SEPTIN10: variants seen among roughly 807,000 people sequenced by gnomAD.
SEPTIN10 encodes the protein septin-10.
SEPTIN10 carries 66 observed loss-of-function variants against 54.8 expected under a neutral mutation model. The ratio of observed to expected loss-of-function variants is 1.21; its 90% CI spans 0.99 to 1.48. The LOEUF is 1.48. SEPTIN10 is among the 40% of genes most tolerant of loss of function. SEPTIN10 has a pLI of 0.00. For missense variants in SEPTIN10, 620 were observed against 545.6 expected, an observed-to-expected ratio of 1.14 and a Z score of -1.36; for synonymous variants, 161 against 181.0, an observed-to-expected ratio of 0.89 and a Z score of 0.89.
chr2:109,605,986 A>T (rs1022380318), intron 1 of SEPTIN10, among the ~76,000 whole-genome samples: 1 of 152,220 alleles, frequency 6.6e-6, no homozygotes, highest in Non-Finnish European at 1.5e-5. Context: ...CAAAGCCTGG[A>T]ATGAGGTCTG....
At chr2:109,596,360 G>T (rs1399529550) in intron 1 of SEPTIN10, among the ~76,000 whole-genome samples, 1 of 152,148 alleles carries the variant, frequency 6.6e-6, no homozygotes, top group Non-Finnish European at 1.5e-5. Context: ...GCTCACGCCT[G>T]TAATTCCAGC....
chr2:109,591,715 G>A (rs1233647207), intron 2 of SEPTIN10, among the ~76,000 whole-genome samples: 1 of 151,892 alleles, frequency 6.6e-6, no homozygotes, highest in African/African-American at 2.4e-5. Flanking sequence ...TGGCCAACAC[G>A]AGCAAAACCC....
chr2:109,593,274 T>C (rs758158639), intron 1 of SEPTIN10, among the ~76,000 whole-genome samples, 155 bp from the exon 2 acceptor site: 1 of 152,210 alleles, frequency 6.6e-6, no homozygotes, highest in African/African-American at 2.4e-5. Flanking sequence ...GTGTTTGAAA[T>C]TGTGGCTTTC....
intron 9 of SEPTIN10, chr2:109,552,473 T>G (rs116753844): frequency 6.6e-6 from 1 of 151,840 alleles, no homozygotes. Flanking sequence ...GGTAAACCAT[T>G]TCTAATGGAA....
intron 5 of SEPTIN10, among the ~76,000 whole-genome samples, chr2:109,571,506 G>A (rs1297399802): frequency 6.6e-6 from 1 of 152,184 alleles, no homozygotes; most frequent in African/African-American, 2.4e-5. Flanking sequence ...GTGTGTGTAT[G>A]TAGGCAACTA....
intron 1 of SEPTIN10, among the ~76,000 whole-genome samples, chr2:109,595,379 C>T (rs1444571893): frequency 3.3e-5 from 5 of 152,190 alleles, no homozygotes; most frequent in Admixed American, 1.3e-4. Context: ...TAATACCTGG[C>T]TTCAGGCTTT....
At chr2:109,561,317 A>G (rs1685604737) in intron 8 of SEPTIN10, among the ~76,000 whole-genome samples, 1 of 151,838 alleles carries the variant, frequency 6.6e-6, no homozygotes, top group South Asian at 2.1e-4. Flanking sequence ...GTCTTCCCGA[A>G]TTTTCCAGCT....
Position 109,604,595 on chromosome 2 carries a change from C to T in SEPTIN10, c.30+9203G>A, listed in dbSNP as rs550395483. Among the ~76,000 whole-genome samples, 11 of 151,294 alleles carry T rather than the reference C, an allele frequency of 7.3e-5. No individual in the cohort carries two copies. In the East Asian group the frequency reaches 1.2e-3, roughly 16 times the overall value. On this transcript the variant is annotated intron_variant, in intron 1 of 10. Coordinates refer to ENST00000397712, the MANE Select transcript of SEPTIN10 (RefSeq NM_144710.5). ...ACAAAAAATTAGCCAGGCATGGTGG[C>T]GGGTGCCTGTAGTCCCAGGTACTCA...
intron 8 of SEPTIN10, among the ~76,000 whole-genome samples, chr2:109,555,059 G>A (rs1015529229): frequency 6.6e-6 from 1 of 152,046 alleles, no homozygotes; most frequent in African/African-American, 2.4e-5. Context: ...CTTCACTACT[G>A]CAACAATCTC....
chr2:109,608,771 TA>T (rs888944726), intron 1 of SEPTIN10, among the ~76,000 whole-genome samples: 323 of 151,722 alleles, frequency 2.1e-3, no homozygotes, highest in African/African-American at 6.8e-3. Context: ...ATACAAATCC[TA>T]AAAAAAAATT....
Position 109,543,557 on chromosome 2 carries a change from T to C in SEPTIN10, c.*752A>G, listed in dbSNP as rs1680452348. On this transcript the variant is annotated 3_prime_UTR_variant, in exon 11 of 11. Transcript: ENST00000397712. ...AGAGGTTAGAGTTTTAGCTCCATAA[T>C]ACATCCCAAAACATATTCCCCAAAA... The C allele has an allele frequency of 6.6e-6, 1 of 152,172 alleles. No homozygotes were observed. The highest frequency in any genetic ancestry group is 1.5e-5 in the Non-Finnish European group (1 of 68,018). The allele number at this position is 152,172 out of a possible 1,614,324, so 9.4% of individuals were successfully genotyped here. A position where few individuals can be genotyped will look rare whatever the true frequency, so the allele number is the denominator to read the frequency against.
At chr2:109,609,436 T>C (rs1698742858) in intron 1 of SEPTIN10, among the ~76,000 whole-genome samples, 1 of 151,738 alleles carries the variant, frequency 6.6e-6, no homozygotes, top group African/African-American at 2.4e-5. Context: ...TACAAAAACA[T>C]AAATTAGGAG....
Position 109,585,220 on chromosome 2 carries a change from C to CT in SEPTIN10, c.318dup (p.Ala107SerfsTer5). On this transcript the variant is annotated frameshift_variant, in exon 4 of 11. Transcript: ENST00000397712. LOFTEE classifies it high-confidence loss of function. ...CTTTCCTGGAGTTCATATGTCTGAG[C>CT]TTTAAGTTTAACATTTGGGCAAAAA... 3.7e-6 allele frequency: 6 copies of CT among 1,612,840 alleles called. No homozygotes were observed. The highest frequency in any genetic ancestry group is 5.1e-6 in the Non-Finnish European group (6 of 1,179,312).
chr2:109,606,672 C>CTTTTTTTTTTTTTTTTTTTTTTTTTT, intron 1 of SEPTIN10, among the ~76,000 whole-genome samples: 1 of 71,896 alleles, frequency 1.4e-5, no homozygotes, highest in Non-Finnish European at 2.4e-5. Flanking sequence ...AAATTTTAAG[C>CTTTTTTTTTTTTTTTTTTTTTTTTTT]TTTTTTTTTT....
At chr2:109,551,052 G>A (rs905806349) in intron 9 of SEPTIN10, among the ~76,000 whole-genome samples, 30 of 152,158 alleles carry the variant, frequency 2.0e-4, no homozygotes, top group Admixed American at 3.3e-4. Flanking sequence ...TAGGAAATCC[G>A]TCTGTCATAT....
intron 2 of SEPTIN10, among the ~76,000 whole-genome samples, chr2:109,590,424 C>CA (rs1693768262): frequency 1.4e-5 from 2 of 146,592 alleles, no homozygotes; most frequent in South Asian, 4.3e-4. Context: ...GAGGTAAATC[C>CA]TTTTTTTTTT....
intron 4 of SEPTIN10, 101 bp from the exon 5 acceptor site, chr2:109,574,868 A>G (rs774070846): frequency 1.5e-4 from 112 of 758,442 alleles, no homozygotes; most frequent in Non-Finnish European, 2.1e-4. Context: ...ACTAATTAAT[A>G]AACAGTTAAT....
intron 5 of SEPTIN10, 53 bp downstream of exon 5, chr2:109,574,528 C>T (rs1689167817): frequency 3.9e-6 from 4 of 1,034,354 alleles, no homozygotes; most frequent in African/African-American, 1.7e-5. Context: ...AATATTTTAA[C>T]AGTTAAAAAT....
rs371279599 is a variant in SEPTIN10 at position 109,576,269 on chromosome 2, AAT to A, written c.414-1504_414-1503del. Among the ~76,000 whole-genome samples the A allele has an allele frequency of 5.0e-3, 758 of 150,796 alleles. 6 individuals carry two copies. Among genetic ancestry groups the A allele is most frequent in the African/African-American group, 0.018 (723 of 41,222 alleles). On this transcript the variant is annotated intron_variant, in intron 4 of 10. Transcript: ENST00000397712. ...ACGCAAGATTGTTTTAAATGAATTA[AAT>A]ATATATATATATAGACAGGGTCTCG...
Sources: gnomAD v4.1 joint callset for allele counts (sites outside exome capture counted in the v4.1 genomes callset) on GRCh38, gnomAD v4.1.1 for gene constraint, MANE v1.5 for transcripts, NCBI Gene and HGNC (gene_info 2026-07-23, HGNC 2026-07-21) for gene names.